Variants in LRRC7 observed in about 807,000 individuals in gnomAD.
LRRC7 encodes leucine-rich repeat-containing protein 7.
In LRRC7, 23 loss-of-function variants were observed where a neutral mutation model predicts 175.7. The observed-to-expected ratio is 0.13, with a 90% CI of 0.09 to 0.19. The LOEUF (loss-of-function observed/expected upper bound fraction) is 0.19. Ranked by LOEUF, LRRC7 falls within the 10% of genes least tolerant of loss-of-function variation. LRRC7 has a pLI of 1.00. For missense variants in LRRC7, 1,354 were observed against 1,904.7 expected (o/e 0.71, Z 5.38); for synonymous variants, 685 against 680.9 (o/e 1.01, Z -0.09).
intron 7 of LRRC7, among the ~76,000 whole-genome samples, chr1:69,921,129 T>TG (rs1313974629): frequency 6.6e-6 from 1 of 152,106 alleles, no homozygotes; most frequent in East Asian, 1.9e-4. Context: ...TTTTAAGATC[T>TG]GGGGGGAGAA....
intron 7 of LRRC7, among the ~76,000 whole-genome samples, chr1:69,869,971 A>C (rs1685351561): frequency 6.6e-6 from 1 of 152,174 alleles, no homozygotes; most frequent in East Asian, 1.9e-4. Flanking sequence ...TACAGATTGC[A>C]AAGATTATAT....
chr1:69,699,088 A>G (rs941763655), intron 2 of LRRC7, among the ~76,000 whole-genome samples: 9 of 152,178 alleles, frequency 5.9e-5, no homozygotes, highest in African/African-American at 1.9e-4. Flanking sequence ...ACTGTAAACT[A>G]GTTCAACCAT....
chr1:69,650,731 T>A (rs939698677), intron 1 of LRRC7, among the ~76,000 whole-genome samples: 3 of 134,834 alleles, frequency 2.2e-5, no homozygotes, highest in African/African-American at 8.5e-5. Flanking sequence ...ACAAAATATG[T>A]TGTGCAATTT....
At position 70,018,833 on chromosome 1, in the gene LRRC7, G is replaced by A. The variant is rs745781649; in HGVS notation, c.1420+15G>A. ...TGGTGATGAAGGTAAATTGTCAGTA[G>A]AAATTTCTTCTCTACTTATAATGAT... On this transcript the variant is annotated intron_variant, in intron 15 of 26. Coordinates refer to ENST00000651989, the MANE Select transcript of LRRC7 (RefSeq NM_001370785.2). 4 of 1,582,430 alleles carry A rather than the reference G, an allele frequency of 2.5e-6. No homozygotes were observed. In the East Asian group the frequency reaches 9.0e-5, roughly 36 times the overall value.
chr1:70,043,287 G>C, intron 21 of LRRC7, among the ~76,000 whole-genome samples: 1 of 152,072 alleles, frequency 6.6e-6, no homozygotes, highest in Non-Finnish European at 1.5e-5. Flanking sequence ...AATTTCTTTA[G>C]TTTAAAATAT....
At chr1:69,652,440 A>AC (rs1655988987) in intron 1 of LRRC7, among the ~76,000 whole-genome samples, 1 of 152,190 alleles carries the variant, frequency 6.6e-6, no homozygotes. Context: ...TAAACTGAAA[A>AC]TTATTAAATA....
intron 8 of LRRC7, among the ~76,000 whole-genome samples, chr1:69,952,398 C>T (rs1650032263): frequency 6.6e-6 from 1 of 151,934 alleles, no homozygotes; most frequent in South Asian, 2.1e-4. Flanking sequence ...TGACATTTCC[C>T]CATGAGAGTT....
rs749161756 is a variant in LRRC7, at chr1:70,036,403, C to T, written c.2108-41C>T. The T allele has an allele frequency of 5.2e-6, 8 of 1,543,264 alleles. No homozygotes were observed. The Middle Eastern group carries it at 1.2e-3, about 235-fold the overall frequency. ...CATACTTGCTTTTCCGTGTAATTGT[C>T]AGTGTCATAGCATTATAACATTTTC... On this transcript the variant is annotated intron_variant, in intron 19 of 26. Coordinates refer to ENST00000651989, the MANE Select transcript of LRRC7 (RefSeq NM_001370785.2).
intron 2 of LRRC7, among the ~76,000 whole-genome samples, chr1:69,730,675 C>T (rs543358918): frequency 1.3e-5 from 2 of 152,266 alleles, no homozygotes; most frequent in African/African-American, 4.8e-5. Context: ...CCAAACTTTT[C>T]CACATTTTCC....
At chr1:69,863,848 T>TA (rs1684621842) in intron 7 of LRRC7, among the ~76,000 whole-genome samples, 1 of 152,118 alleles carries the variant, frequency 6.6e-6, no homozygotes, top group Non-Finnish European at 1.5e-5. Context: ...CTTTCCACCT[T>TA]AAAAACCATA....
At chr1:70,064,938 A>G (rs17462162) in intron 23 of LRRC7, among the ~76,000 whole-genome samples, 1 of 151,772 alleles carries the variant, frequency 6.6e-6, no homozygotes, top group Non-Finnish European at 1.5e-5. Flanking sequence ...CCTTTTCTTC[A>G]TATTGAATTT....
intron 24 of LRRC7, among the ~76,000 whole-genome samples, chr1:70,082,288 G>T (rs548564217): frequency 6.6e-6 from 1 of 152,086 alleles, no homozygotes; most frequent in Non-Finnish European, 1.5e-5. Flanking sequence ...TGTAAAATAG[G>T]TATTAATGTA....
intron 10 of LRRC7, among the ~76,000 whole-genome samples, chr1:69,991,449 C>T (rs972801116): frequency 9.9e-5 from 15 of 152,100 alleles, no homozygotes; most frequent in African/African-American, 3.4e-4. Flanking sequence ...ACCTTATTGA[C>T]CTGTCAGGGA....
At chr1:69,640,082 C>A (rs538997428) in intron 1 of LRRC7, among the ~76,000 whole-genome samples, 3 of 151,828 alleles carry the variant, frequency 2.0e-5, no homozygotes, top group Admixed American at 2.0e-4. Context: ...TTGTCCACTT[C>A]TGGAGGATTC....
At chr1:69,973,991 C>T (rs1168990054) in intron 8 of LRRC7, among the ~76,000 whole-genome samples, 4 of 152,212 alleles carry the variant, frequency 2.6e-5, no homozygotes, top group Non-Finnish European at 5.9e-5. Context: ...ATCCCTCCTT[C>T]ACCAAGGAAA....
chr1:69,740,856 C>T (rs548832259), intron 2 of LRRC7, among the ~76,000 whole-genome samples: 1 of 152,072 alleles, frequency 6.6e-6, no homozygotes, highest in South Asian at 2.1e-4. Context: ...GGGAGTTAGG[C>T]TTCAACATAT....
At chr1:69,974,255 T>C (rs950262738) in intron 8 of LRRC7, among the ~76,000 whole-genome samples, 58 of 152,214 alleles carry the variant, frequency 3.8e-4, no homozygotes, top group African/African-American at 1.4e-3. Flanking sequence ...ATTTACCTTA[T>C]ACTGTTGTTT....
intron 25 of LRRC7, among the ~76,000 whole-genome samples, chr1:70,094,343 G>A (rs1049716108): frequency 1.3e-5 from 2 of 151,842 alleles, no homozygotes; most frequent in African/African-American, 4.8e-5. Context: ...CACTAAGTTG[G>A]GCCATCTAAA....
chr1:69,661,497 G>C (rs563123973), intron 1 of LRRC7, among the ~76,000 whole-genome samples: 4 of 152,086 alleles, frequency 2.6e-5, no homozygotes, highest in African/African-American at 4.8e-5. Flanking sequence ...TTGATTAATC[G>C]TAACAGTTCA....
Sources: gnomAD v4.1 joint callset for allele counts (sites outside exome capture counted in the v4.1 genomes callset) on GRCh38, gnomAD v4.1.1 for gene constraint, MANE v1.5 for transcripts, NCBI Gene and HGNC (gene_info 2026-07-23, HGNC 2026-07-21) for gene names.